The following TTC12 variants were observed in gnomAD, a reference collection of about 807,000 sequenced individuals.
The protein encoded by TTC12 is tetratricopeptide repeat protein 12.
In TTC12, 70 loss-of-function variants were observed where a neutral mutation model predicts 90.1. The observed-to-expected ratio is 0.78, with a 90% confidence interval of 0.64 to 0.95. TTC12 has a LOEUF of 0.95. Among genes scored for constraint, TTC12 ranks in the 40% least tolerant of loss-of-function variants. The pLI, the probability that TTC12 is intolerant of heterozygous loss-of-function variation, is 0.00. For missense variants in TTC12, 819 were observed against 846.1 expected, an observed-to-expected ratio of 0.97 and a Z score of 0.40; for synonymous variants, 296 against 311.5, an observed-to-expected ratio of 0.95 and a Z score of 0.53.
At chr11:113,371,258 A>G (rs888068002), downstream of TTC12, among the ~76,000 whole-genome samples, 3 of 152,244 alleles carry the variant, frequency 2.0e-5, no homozygotes, top group East Asian at 1.9e-4. Flanking sequence ...TCATATTTGC[A>G]TATAACCTAC....
intron 8 of TTC12, among the ~76,000 whole-genome samples, chr11:113,337,607 A>C (rs1431549272): frequency 6.6e-6 from 1 of 152,188 alleles, no homozygotes; most frequent in Admixed American, 6.5e-5. Flanking sequence ...AGGGCCCTAC[A>C]GGCTTTTCAA....
chr11:113,315,772 A>G (rs1001269571), intron 1 of TTC12, among the ~76,000 whole-genome samples: 2 of 152,232 alleles, frequency 1.3e-5, no homozygotes, highest in Admixed American at 1.3e-4. Flanking sequence ...GAAACAAGCC[A>G]AAGGCAGATT....
chr11:113,319,884 C>T (rs528618361), intron 2 of TTC12, among the ~76,000 whole-genome samples: 3 of 152,026 alleles, frequency 2.0e-5, no homozygotes, highest in East Asian at 3.8e-4. Flanking sequence ...TCCTGCCCTA[C>T]GTGAAAGTCA....
In TTC12 at chr11:113,366,255, C is replaced by G. The variant is rs759549957; in HGVS notation, c.2073C>G (p.Gly691=). ...RFAAQLRKLH[G]LEILNSTMKY... ...CTGCTCAACTGAGAAAGCTTCATGG[C>G]CTAGAAATTCTCAACTCTACGATGA... is the stretch of plus-strand genomic sequence containing the variant. Residue 691 remains glycine (G), a synonymous_variant, in exon 22 of 22, where the codon GGC becomes GGG. Transcript: ENST00000529221. 2.5e-6 allele frequency: 4 copies of G among 1,613,542 alleles called. No individual in the cohort carries two copies. The African/African-American group carries it at 4.0e-5, about 16-fold the overall frequency.
chr11:113,346,877 C>G (rs781804900), intron 13 of TTC12, among the ~76,000 whole-genome samples: 5 of 152,048 alleles, frequency 3.3e-5, no homozygotes, highest in East Asian at 1.9e-4. Flanking sequence ...CTGAAGTAAC[C>G]TTGCATTTAT....
intron 21 of TTC12, among the ~76,000 whole-genome samples, chr11:113,372,044 T>G (rs1006869815): frequency 1.3e-5 from 2 of 152,144 alleles, no homozygotes; most frequent in Admixed American, 1.3e-4. Flanking sequence ...AGGATTTTTA[T>G]CAGGGTTGGA....
chr11:113,358,881 T>C lies in TTC12; in HGVS notation c.1447-482T>C, dbSNP rs117042516. On this transcript the variant is annotated intron_variant, in intron 16 of 21. Coordinates refer to ENST00000529221, the MANE Select transcript of TTC12 (RefSeq NM_017868.4). ...TTTGGGGACCAAGAACAAGCCTTGG[T>C]ACATAGGCTTGCATGCAGCATTCCC... Among the ~76,000 whole-genome samples, 196 of 152,240 alleles carry C rather than the reference T, an allele frequency of 1.3e-3. 1 individual carries two copies. Among genetic ancestry groups the C allele is most frequent in the Non-Finnish European group, 2.4e-3 (164 of 67,998 alleles).
At chr11:113,353,226 T>C (rs539600643) in intron 16 of TTC12, among the ~76,000 whole-genome samples, 22 of 152,358 alleles carry the variant, frequency 1.4e-4, no homozygotes, top group Middle Eastern at 3.4e-3. Flanking sequence ...ATCAGTGATA[T>C]TGAGCTTTTT....
In TTC12 at chr11:113,319,763, C is replaced by T. The variant is rs138516412; in HGVS notation, c.58+3448C>T. On this transcript the variant is annotated intron_variant, in intron 2 of 21. Transcript: ENST00000529221. ...ATAGTAATCAATGCATGGAGGTTTT[C>T]GTGCTGGAAAGGACAATCAGGGGAA... 1.3e-3 allele frequency among the ~76,000 whole-genome samples: 196 copies of T among 151,720 alleles called. 2 individuals are homozygous for T. Among genetic ancestry groups the T allele is most frequent in the Non-Finnish European group, 2.3e-3 (154 of 67,958 alleles).
rs782782449 is a variant in TTC12 at position 113,352,115 on chromosome 11, A to G, written c.1354A>G (p.Ile452Val). 9.3e-6 allele frequency: 15 copies of G among 1,614,120 alleles called. No individual in the cohort carries two copies. The East Asian group carries it at 3.1e-4, about 34-fold the overall frequency. ...VSSSSALCQC[I>V]AIMGNLSAEP... is the part of the protein sequence containing the mutation. Reference sequence around the variant, plus strand: ...CAGCTCCTCGGCTCTGTGCCAGTGCATTGCCATCATGGGAAACCTCAGTGC... The same window carrying G: ...CAGCTCCTCGGCTCTGTGCCAGTGCGTTGCCATCATGGGAAACCTCAGTGC... The change falls in exon 16 of 22, where the codon ATT becomes GTT. Residue 452 changes from isoleucine to valine, a missense_variant. Coordinates refer to ENST00000529221, the MANE Select transcript of TTC12 (RefSeq NM_017868.4).
chr11:113,370,291 CTG>C (rs970812099), downstream of TTC12, among the ~76,000 whole-genome samples: 4 of 152,242 alleles, frequency 2.6e-5, no homozygotes, highest in Admixed American at 6.5e-5. Flanking sequence ...ATTGCAATGA[CTG>C]TAGCTCCAAT....
chr11:113,342,904 T>C (rs1555146664), intron 12 of TTC12, among the ~76,000 whole-genome samples: 2 of 152,204 alleles, frequency 1.3e-5, no homozygotes, highest in Non-Finnish European at 2.9e-5. Flanking sequence ...TTGGCAATGG[T>C]ATGTCTACTC....
downstream of TTC12, chr11:113,368,310 AC>A (rs1950279881): frequency 6.5e-7 from 1 of 1,540,774 alleles, no homozygotes; most frequent in African/African-American, 1.4e-5. Flanking sequence ...GTGTGGATCC[AC>A]CCCCGCCACC....
chr11:113,327,958 G>C (rs1238685270), intron 6 of TTC12, among the ~76,000 whole-genome samples: 2 of 152,228 alleles, frequency 1.3e-5, no homozygotes, highest in Non-Finnish European at 1.5e-5. Context: ...TTTGCTGGCT[G>C]TTGCCTACTC....
intron 13 of TTC12, among the ~76,000 whole-genome samples, chr11:113,347,347 C>A (rs1949026794): frequency 1.3e-5 from 2 of 152,278 alleles, no homozygotes; most frequent in Admixed American, 1.3e-4. Context: ...CCTCTGCGTA[C>A]CCCCATACAG....
At chr11:113,365,192 G>A in intron 21 of TTC12, 132 bp downstream of exon 21, 1 of 785,564 alleles carries the variant, frequency 1.3e-6, no homozygotes, top group Non-Finnish European at 2.0e-6. Flanking sequence ...TGCAGACCTA[G>A]GTTAAGCCCA....
chr11:113,329,973 T>C lies in TTC12; in HGVS notation c.498T>C (p.Ala166=). Residue 166 remains alanine (A), a synonymous_variant, in exon 7 of 22, where the codon GCT becomes GCC. Transcript: ENST00000529221. ...AGGCACTGGTGGATTGTGAGTGGGCTCTCAAGGTAAGAGGGTATTTCTTTT... is the reference window on the plus strand; with the variant it reads ...AGGCACTGGTGGATTGTGAGTGGGCCCTCAAGGTAAGAGGGTATTTCTTTT... The part of the protein sequence containing the change: ...YEKALVDCEW[A]LKCDEKCTKA... The C allele has an allele frequency of 6.2e-7, 1 of 1,612,936 alleles. No homozygotes were observed. The highest frequency in any genetic ancestry group is 1.1e-5 in the South Asian group (1 of 91,066).
chr11:113,335,162 G>C (rs1948293855), intron 8 of TTC12, 125 bp downstream of exon 8: 1 of 736,110 alleles, frequency 1.4e-6, no homozygotes, highest in African/African-American at 1.8e-5. Flanking sequence ...ATTTTCCAAG[G>C]TAAAGCTCAA....
intron 19 of TTC12, among the ~76,000 whole-genome samples, chr11:113,363,152 C>T (rs573992036): frequency 1.3e-5 from 2 of 152,264 alleles, no homozygotes; most frequent in South Asian, 2.1e-4. Context: ...GGCTGAGTGG[C>T]GCAGGGAAGC....
Sources: gnomAD v4.1 joint callset for allele counts (sites outside exome capture counted in the v4.1 genomes callset) on GRCh38, gnomAD v4.1.1 for gene constraint, MANE v1.5 for transcripts, NCBI Gene and HGNC (gene_info 2026-07-23, HGNC 2026-07-21) for gene names.